Variants in ESR1 observed in about 807,000 individuals in gnomAD.
ESR1 encodes estrogen receptor 1.
Under a neutral mutation model 52.7 loss-of-function variants are expected in ESR1, and 12 were observed. That is an observed-to-expected ratio of 0.23 (90% confidence interval 0.15 to 0.37). The LOEUF is 0.37. Among genes scored for constraint, ESR1 ranks in the 10% least tolerant of loss-of-function variants. The pLI, the probability that ESR1 is intolerant of heterozygous loss-of-function variation, is 1.00. For synonymous variants in ESR1, 305 were observed against 316.8 expected (o/e 0.96, Z 0.39); for missense variants, 584 against 779.7 (o/e 0.75, Z 2.99).
intron 4 of ESR1, among the ~76,000 whole-genome samples, chr6:151,976,032 T>C (rs1201149740): frequency 1.3e-5 from 2 of 152,174 alleles, no homozygotes; most frequent in African/African-American, 2.4e-5. Context: ...TAATATTACA[T>C]TGGCTAACTT....
chr6:151,730,177 A>G (rs1241735662), intron 2 of ESR1, among the ~76,000 whole-genome samples: 1 of 151,996 alleles, frequency 6.6e-6, no homozygotes, highest in African/African-American at 2.4e-5. Flanking sequence ...TTGTCTTCCC[A>G]GGGCTAGGCA....
chr6:151,863,629 CTT>C (rs1374879690), intron 2 of ESR1, among the ~76,000 whole-genome samples: 1 of 152,126 alleles, frequency 6.6e-6, no homozygotes, highest in East Asian at 1.9e-4. Flanking sequence ...ATTGAATACT[CTT>C]TATTTCTTTC....
intron 6 of ESR1, among the ~76,000 whole-genome samples, chr6:152,067,595 G>A (rs1390940987): frequency 1.3e-5 from 2 of 152,170 alleles, no homozygotes; most frequent in African/African-American, 4.8e-5. Flanking sequence ...GGAGGCTGAG[G>A]CAGGTGCATT....
intron 1 of ESR1, chr6:151,809,396 T>C: frequency 7.0e-6 from 2 of 286,654 alleles, no homozygotes; most frequent in Non-Finnish European, 1.5e-5. Context: ...CTGATGGGCC[T>C]GCAGAGGGAT....
At chr6:151,894,962 T>A (rs951565685) in intron 3 of ESR1, among the ~76,000 whole-genome samples, 2 of 152,162 alleles carry the variant, frequency 1.3e-5, no homozygotes, top group African/African-American at 4.8e-5. Flanking sequence ...ATTGAAGTTG[T>A]AGATTGCTTT....
At chr6:152,005,041 G>A (rs1004908658) in intron 4 of ESR1, among the ~76,000 whole-genome samples, 1 of 151,806 alleles carries the variant, frequency 6.6e-6, no homozygotes, top group East Asian at 1.9e-4. Context: ...TGTTTCCCAA[G>A]GCAAGTAGTC....
intron 2 of ESR1, among the ~76,000 whole-genome samples, chr6:151,792,187 T>C (rs28449808): frequency 1.3e-5 from 2 of 152,174 alleles, no homozygotes; most frequent in East Asian, 1.9e-4. Context: ...AGTGAAAATA[T>C]GGTATAAGAG....
chr6:152,109,294 A>C (rs1210360367), intron 6 of ESR1, among the ~76,000 whole-genome samples: 3 of 152,154 alleles, frequency 2.0e-5, no homozygotes, highest in Admixed American at 1.3e-4. Context: ...TAAATAAGTA[A>C]ATTTTCATAG....
intron 2 of ESR1, among the ~76,000 whole-genome samples, chr6:151,796,750 G>A (rs1776751470): frequency 6.6e-6 from 1 of 152,174 alleles, no homozygotes; most frequent in Admixed American, 6.5e-5. Context: ...AAGAACACTA[G>A]AAAGGATGTT....
intron 5 of ESR1, among the ~76,000 whole-genome samples, chr6:152,044,955 G>C (rs2046108593): frequency 6.6e-6 from 1 of 152,170 alleles, no homozygotes; most frequent in South Asian, 2.1e-4. Context: ...GGGATATAGG[G>C]AAAAACATGA....
chr6:151,669,325 A>T (rs1434073452), intron 1 of ESR1, among the ~76,000 whole-genome samples: 2 of 151,864 alleles, frequency 1.3e-5, no homozygotes, highest in Non-Finnish European at 2.9e-5. Context: ...GAGGAAGTAC[A>T]GGAGGGGTGA....
intron 2 of ESR1, 64 bp from the exon 3 acceptor site, chr6:151,880,591 C>T (rs556769274): frequency 2.0e-6 from 2 of 980,946 alleles, no homozygotes; most frequent in East Asian, 2.4e-5. Flanking sequence ...AAAGGTTTCC[C>T]TGTAGATTCT....
At chr6:152,066,078 C>T (rs2047940581) in intron 6 of ESR1, among the ~76,000 whole-genome samples, 1 of 152,212 alleles carries the variant, frequency 6.6e-6, no homozygotes, top group South Asian at 2.1e-4. Context: ...GTGCCAGCTG[C>T]TGTCTGCCAT....
At chr6:152,000,619 A>T (rs1211358998) in intron 4 of ESR1, among the ~76,000 whole-genome samples, 7 of 152,118 alleles carry the variant, frequency 4.6e-5, no homozygotes, top group African/African-American at 1.7e-4. Context: ...TGTCATCATG[A>T]GATGGAATAA....
Position 152,008,109 on chromosome 6 carries a change from A to T in ESR1, c.1097-3547A>T, listed in dbSNP as rs1005802309. 2.0e-5 allele frequency among the ~76,000 whole-genome samples: 3 copies of T among 152,234 alleles called. No homozygotes were observed. The South Asian group carries it at 6.2e-4, about 32-fold the overall frequency. On this transcript the variant is annotated intron_variant, in intron 4 of 7. Transcript: ENST00000206249. The stretch of plus-strand genomic sequence containing the variant: ...TCATGGATATTTATTCCACGCTGAA[A>T]AGGTAGTTAGATGCTGTGTGGTAAA...
chr6:151,931,080 G>A (rs2128484966), intron 3 of ESR1, among the ~76,000 whole-genome samples: 1 of 152,080 alleles, frequency 6.6e-6, no homozygotes, highest in South Asian at 2.1e-4. Flanking sequence ...TGGATCTGTG[G>A]TTTGGTGTCT....
intron 2 of ESR1, among the ~76,000 whole-genome samples, chr6:151,787,657 G>A (rs1381771665): frequency 6.6e-6 from 1 of 152,044 alleles, no homozygotes; most frequent in Non-Finnish European, 1.5e-5. Flanking sequence ...ACTATTTTTG[G>A]TGTATAGGAA....
At chr6:151,907,039 A>G (rs139265891) in intron 3 of ESR1, among the ~76,000 whole-genome samples, 1 of 151,954 alleles carries the variant, frequency 6.6e-6, no homozygotes, top group Non-Finnish European at 1.5e-5. Context: ...AGCTACCTCC[A>G]TTAGGCATGA....
intron 3 of ESR1, among the ~76,000 whole-genome samples, chr6:151,918,837 G>A (rs2030962597): frequency 6.6e-6 from 1 of 152,194 alleles, no homozygotes; most frequent in Non-Finnish European, 1.5e-5. Context: ...GGATAAAGCT[G>A]TAAATCACGT....
Sources: allele counts gnomAD v4.1 joint callset (sites outside exome capture counted in the v4.1 genomes callset), GRCh38; gene constraint gnomAD v4.1.1; transcripts MANE v1.5; gene names NCBI Gene and HGNC (gene_info 2026-07-23, HGNC 2026-07-21).